RPS6KA2: variants seen among roughly 807,000 people sequenced by gnomAD.
The protein encoded by RPS6KA2 is ribosomal protein S6 kinase alpha-2.
A neutral mutation model predicts 91.8 loss-of-function variants in RPS6KA2; 42 were observed. That is an observed-to-expected ratio of 0.46 (90% CI 0.36 to 0.59). The LOEUF is 0.59. Ranked by LOEUF, RPS6KA2 falls within the 20% of genes least tolerant of loss-of-function variation. The probability of loss-of-function intolerance (pLI) is 0.00; values close to 1 mark genes in which losing one functional copy is unlikely to be tolerated. For missense variants in RPS6KA2, 798 were observed against 978.5 expected, an observed-to-expected ratio of 0.82 and a Z score of 2.46; for synonymous variants, 414 against 393.6, an observed-to-expected ratio of 1.05 and a Z score of -0.61.
chr6:166,761,384 C>A (rs1347167561), intron 2 of RPS6KA2, among the ~76,000 whole-genome samples: 1 of 152,214 alleles, frequency 6.6e-6, no homozygotes, highest in Non-Finnish European at 1.5e-5. Flanking sequence ...TCATAACAAT[C>A]TTGGCTTACT....
In RPS6KA2 at chr6:166,494,467, G is replaced by A. The variant is rs950389961; in HGVS notation, c.748-3726C>T. ...GGGATGTCCAGAACATTCCGTGCCC[G>A]TGGTTAAGAAACGGGAGAAGGATAA... is the stretch of plus-strand genomic sequence containing the variant. On this transcript the variant is annotated intron_variant, in intron 8 of 20. Coordinates refer to ENST00000265678, the MANE Select transcript of RPS6KA2 (RefSeq NM_021135.6). This position sits in a 1 kb window ranked among gnomAD's most constrained non-coding sequence, Gnocchi z 5.1. 3.3e-5 allele frequency among the ~76,000 whole-genome samples: 5 copies of A among 152,220 alleles called. No homozygotes were observed. Among genetic ancestry groups the A allele is most frequent in the Non-Finnish European group, 5.9e-5 (4 of 68,044 alleles).
chr6:166,455,346 C>G (rs906357910), intron 12 of RPS6KA2, among the ~76,000 whole-genome samples: 2 of 152,148 alleles, frequency 1.3e-5, no homozygotes, highest in African/African-American at 2.4e-5. Context: ...AAGCGGGGGC[C>G]AGGCCGTGGG....
rs1788182455 is a variant in RPS6KA2, at chr6:166,662,249, C to CT, written c.124-123466dup. On this transcript the variant is annotated intron_variant, in intron 2 of 21. Coordinates refer to the RPS6KA2 transcript ENST00000503859. The surrounding 1 kb of genome is among the most constrained non-coding windows in gnomAD (Gnocchi z 4.3). ...CATGTACCTTTAATTCACTGGTATT[C>CT]TTTTTTCTGGGATATTGCCATTGTA... is the stretch of plus-strand genomic sequence containing the variant. Among the ~76,000 whole-genome samples the CT allele has an allele frequency of 6.6e-6, 1 of 152,010 alleles. No homozygotes were observed.
intron 2 of RPS6KA2, among the ~76,000 whole-genome samples, chr6:166,759,820 G>T (rs62438717): frequency 6.6e-6 from 1 of 151,570 alleles, no homozygotes; most frequent in Non-Finnish European, 1.5e-5. Context: ...AGCCGCAGCC[G>T]AGTCCGTATC....
At chr6:166,471,916 C>T (rs182871006) in intron 10 of RPS6KA2, among the ~76,000 whole-genome samples, 70 of 152,356 alleles carry the variant, frequency 4.6e-4, no homozygotes, top group Non-Finnish European at 6.6e-4. Context: ...CCTTTGCAAT[C>T]GCAGCAGCTG....
At chr6:166,449,346 T>C (rs1779777655) in intron 13 of RPS6KA2, among the ~76,000 whole-genome samples, 1 of 151,514 alleles carries the variant, frequency 6.6e-6, no homozygotes, top group African/African-American at 2.4e-5. Flanking sequence ...TGCACTGTCA[T>C]GACAACGTCT....
At chr6:166,642,547 C>T (rs1787476964) in intron 2 of RPS6KA2, among the ~76,000 whole-genome samples, 1 of 152,156 alleles carries the variant, frequency 6.6e-6, no homozygotes, top group African/African-American at 2.4e-5. Context: ...TCATATTTTT[C>T]TGAAGATAAA....
intron 2 of RPS6KA2, among the ~76,000 whole-genome samples, chr6:166,677,542 G>A (rs946322327): frequency 4.6e-5 from 7 of 151,990 alleles, no homozygotes; most frequent in African/African-American, 1.7e-4. Context: ...TGTATTTTTA[G>A]TAGAGACAAG....
chr6:166,727,629 G>A (rs1455305998), intron 2 of RPS6KA2, among the ~76,000 whole-genome samples: 1 of 151,904 alleles, frequency 6.6e-6, no homozygotes, highest in Admixed American at 6.6e-5. Flanking sequence ...GCACCCTAAG[G>A]CACCAGCATC....
In RPS6KA2 at chr6:166,626,479, C is replaced by A. The variant is rs543296139; in HGVS notation, c.99+442G>T. 6.6e-6 allele frequency among the ~76,000 whole-genome samples: 1 copy of A among 152,346 alleles called. No homozygotes were observed. Among genetic ancestry groups the A allele is most frequent in the African/African-American group, 2.4e-5 (1 of 41,582 alleles). ...ACAAGATAAGGTGGAACCTGCCGGC[C>A]GGGCACGGCAGACAGCACCTGATCA... is the stretch of plus-strand genomic sequence containing the variant. On this transcript the variant is annotated intron_variant, in intron 1 of 20. Coordinates refer to ENST00000265678, the MANE Select transcript of RPS6KA2 (RefSeq NM_021135.6). This position sits in a 1 kb window ranked among gnomAD's most constrained non-coding sequence, Gnocchi z 4.1.
At chr6:166,478,137 C>T (rs936567759) in intron 10 of RPS6KA2, among the ~76,000 whole-genome samples, 4 of 152,184 alleles carry the variant, frequency 2.6e-5, no homozygotes, top group Non-Finnish European at 4.4e-5. Context: ...TGCGGCAGCT[C>T]GGCTGGGCGG....
At chr6:166,444,949 G>A (rs2294326) in intron 14 of RPS6KA2, among the ~76,000 whole-genome samples, 1 of 152,150 alleles carries the variant, frequency 6.6e-6, no homozygotes, top group African/African-American at 2.4e-5. Flanking sequence ...TAAATGCAAA[G>A]TGAACAATCT....
chr6:166,704,078 T>A (rs1261444596), intron 2 of RPS6KA2, among the ~76,000 whole-genome samples: 1 of 152,208 alleles, frequency 6.6e-6, no homozygotes, highest in Non-Finnish European at 1.5e-5. Flanking sequence ...AGAACTTGAC[T>A]TCGTATAACA....
At position 166,505,131 on chromosome 6, in the gene RPS6KA2, T is replaced by A. The variant is rs1782152274; in HGVS notation, c.460-519A>T. 4.6e-5 allele frequency among the ~76,000 whole-genome samples: 7 copies of A among 152,214 alleles called. 1 individual carries two copies. In the South Asian group the frequency reaches 1.5e-3, roughly 32 times the overall value. ...ACCTGCTGTCAACCCAAAGTGGGAT[T>A]AGTTCTACCAAAGATCACCCACAGG... On this transcript the variant is annotated intron_variant, in intron 5 of 20. Coordinates refer to ENST00000265678, the MANE Select transcript of RPS6KA2 (RefSeq NM_021135.6).
At chr6:166,627,368 C>T (rs1786932024), upstream of RPS6KA2, 1 of 330,496 alleles carries the variant, frequency 3.0e-6, no homozygotes, top group Non-Finnish European at 4.3e-6. Flanking sequence ...CGCCCCGCCA[C>T]TACGGCCAAT....
Position 166,413,782 on chromosome 6 carries a change from G to A in RPS6KA2, c.2076+12C>T, listed in dbSNP as rs1376664597. ...TTCCCACCACTCTGTCCTCACTGTC[G>A]CCTGCCGGTACCTTCACCAGGTGCA... On this transcript the variant is annotated intron_variant, in intron 20 of 20. Transcript: ENST00000265678. The A allele has an allele frequency of 1.2e-5, 19 of 1,613,394 alleles. No individual in the cohort carries two copies. Among genetic ancestry groups the A allele is most frequent in the East Asian group, 2.2e-5 (1 of 44,854 alleles).
At chr6:166,763,520 T>C (rs1363697465) in intron 2 of RPS6KA2, among the ~76,000 whole-genome samples, 3 of 152,176 alleles carry the variant, frequency 2.0e-5, no homozygotes, top group Non-Finnish European at 2.9e-5. Flanking sequence ...TGAGTTCACA[T>C]TGCAAGGTGC....
chr6:166,473,110 CTG>C (rs1780832964), intron 10 of RPS6KA2, among the ~76,000 whole-genome samples: 1 of 152,198 alleles, frequency 6.6e-6, no homozygotes, highest in South Asian at 2.1e-4. Context: ...TCTCCAATTG[CTG>C]TTCTCTGGTT....
intron 11 of RPS6KA2, chr6:166,463,412 G>A (rs1780399311): frequency 6.6e-6 from 1 of 152,140 alleles, no homozygotes; most frequent in African/African-American, 2.4e-5. Flanking sequence ...CGAAACCGAC[G>A]AGAGAAAATG....
Sources: allele counts gnomAD v4.1 joint callset (sites outside exome capture counted in the v4.1 genomes callset), GRCh38; gene constraint gnomAD v4.1.1; non-coding constraint Gnocchi (gnomAD v3.1); transcripts MANE v1.5; gene names NCBI Gene and HGNC (gene_info 2026-07-23, HGNC 2026-07-21).